PELI2: variants seen among roughly 807,000 people sequenced by gnomAD.
PELI2 encodes the protein pellino E3 ubiquitin protein ligase family member 2, also known as E3 ubiquitin-protein ligase pellino homolog 2.
A neutral mutation model predicts 42.3 loss-of-function variants in PELI2; 23 were observed. The observed-to-expected ratio is 0.54, with a 90% confidence interval of 0.39 to 0.77. The LOEUF is 0.77. Among genes scored for constraint, PELI2 ranks in the 30% least tolerant of loss-of-function variants. The pLI, the probability that PELI2 is intolerant of heterozygous loss-of-function variation, is 0.00. For synonymous variants in PELI2, 245 were observed against 212.2 expected (o/e 1.15, Z -1.34); for missense variants, 463 against 553.2 (o/e 0.84, Z 1.64).
chr14:56,285,830 G>T (rs1889626983), intron 3 of PELI2, among the ~76,000 whole-genome samples: 1 of 152,100 alleles, frequency 6.6e-6, no homozygotes, highest in Non-Finnish European at 1.5e-5. Context: ...GCTGGAGCCT[G>T]GGGCTTGCTT....
intron 2 of PELI2, among the ~76,000 whole-genome samples, chr14:56,196,815 C>G (rs11158079): frequency 0.4 from 60,580 of 152,004 alleles, 12,889 homozygotes; most frequent in South Asian, 0.53. Flanking sequence ...TTTGTAGAAT[C>G]TGTTATATGT....
At chr14:56,283,657 C>T (rs1005033459) in intron 3 of PELI2, among the ~76,000 whole-genome samples, 1 of 152,138 alleles carries the variant, frequency 6.6e-6, no homozygotes, top group Non-Finnish European at 1.5e-5. Flanking sequence ...GTAATGTAAA[C>T]TAAGGCCAGA....
At position 56,288,440 on chromosome 14, in the gene PELI2, G is replaced by A; in HGVS notation, c.313G>A (p.Gly105Ser). The change falls in exon 4 of 6, where the codon GGC becomes AGC. Residue 105 changes from glycine to serine, a missense_variant. Coordinates refer to ENST00000267460, the MANE Select transcript of PELI2 (RefSeq NM_021255.3). The surrounding 1 kb of genome is among the most constrained non-coding windows in gnomAD (Gnocchi z 4.6). ...CGAGTACATTTGATTTACTTAGGTG[G>A]GCAGATCAACAGAAAGCCCTATCGA... Reference protein sequence around the residue: ...HDKDTDMFQVGRSTESPIDFV... With the variant: ...HDKDTDMFQVSRSTESPIDFV... The A allele has an allele frequency of 6.2e-7, 1 of 1,612,828 alleles. No homozygotes were observed. The highest frequency in any genetic ancestry group is 1.1e-5 in the South Asian group (1 of 90,936).
chr14:56,260,179 A>C (rs1888662093), intron 2 of PELI2, among the ~76,000 whole-genome samples: 1 of 152,092 alleles, frequency 6.6e-6, no homozygotes, highest in Admixed American at 6.5e-5. Flanking sequence ...CCCAGGAGAA[A>C]TGTATATATC....
At chr14:56,172,399 C>G (rs527308386) in intron 1 of PELI2, among the ~76,000 whole-genome samples, 1 of 152,320 alleles carries the variant, frequency 6.6e-6, no homozygotes, top group African/African-American at 2.4e-5. Flanking sequence ...CAGAACATCA[C>G]TTCCTTTGCA....
rs138898477 is a variant in PELI2 at position 56,158,137 on chromosome 14, C to T, written c.78-20198C>T. Among the ~76,000 whole-genome samples, 1,369 of 152,148 alleles carry T rather than the reference C, an allele frequency of 9.0e-3. 10 individuals carry two copies. Among genetic ancestry groups the T allele is most frequent in the Non-Finnish European group, 0.013 (898 of 67,988 alleles). On this transcript the variant is annotated intron_variant, in intron 1 of 5. Transcript: ENST00000267460. ...CCACCTCCCAGGTTCAAGTGATTCT[C>T]CTGCCTCAGCCATCTTCCAAGTAGG... is the stretch of plus-strand genomic sequence containing the variant.
intron 1 of PELI2, among the ~76,000 whole-genome samples, chr14:56,144,089 G>A (rs942985754): frequency 1.3e-5 from 2 of 151,964 alleles, no homozygotes; most frequent in Admixed American, 6.6e-5. Flanking sequence ...CTGTACTACC[G>A]CTGATTCCAG....
chr14:56,223,555 A>T (rs1041542810), intron 2 of PELI2, among the ~76,000 whole-genome samples: 2 of 152,252 alleles, frequency 1.3e-5, no homozygotes, highest in Non-Finnish European at 2.9e-5. Context: ...GGGTGCAGTC[A>T]TAATAATAGG....
At chr14:56,136,684 G>A (rs1566600255) in intron 1 of PELI2, among the ~76,000 whole-genome samples, 1 of 152,148 alleles carries the variant, frequency 6.6e-6, no homozygotes, top group Non-Finnish European at 1.5e-5. Context: ...GATGCATAAA[G>A]CGCAGAATTT....
chr14:56,277,478 A>T (rs1237572407), intron 2 of PELI2, among the ~76,000 whole-genome samples: 1 of 151,974 alleles, frequency 6.6e-6, no homozygotes, highest in East Asian at 1.9e-4. Flanking sequence ...CTGATTCAAC[A>T]TTATGGTGAG....
At position 56,118,611 on chromosome 14, in the gene PELI2, CGGCGGA is replaced by C. The variant is rs1882937214; in HGVS notation, c.-44_-39del. 8.4e-7 allele frequency: 1 copy of C among 1,192,426 alleles called. No homozygotes were observed. The highest frequency in any genetic ancestry group is 1.7e-5 in the African/African-American group (1 of 59,108). 73.9% of individuals were successfully genotyped at this position (1,192,426 alleles called of 1,614,324 possible). On this transcript the variant is annotated 5_prime_UTR_variant, in exon 1 of 6. Transcript: ENST00000267460. ...GGCGGCGCGGACTCGGCGGGGATCG[CGGCGGA>C]GGCGGCGGCGTCGGCGGCGGCGTCG...
intron 2 of PELI2, among the ~76,000 whole-genome samples, chr14:56,203,507 AC>A (rs1886411053): frequency 6.6e-6 from 1 of 152,044 alleles, no homozygotes; most frequent in African/African-American, 2.4e-5. Context: ...GTATCTGTAG[AC>A]TTTTTTTCTG....
intron 2 of PELI2, among the ~76,000 whole-genome samples, chr14:56,250,009 G>A (rs1888288657): frequency 6.6e-6 from 1 of 152,148 alleles, no homozygotes; most frequent in African/African-American, 2.4e-5. Flanking sequence ...GTTCTCTAAG[G>A]GGCAGAAGTC....
intron 2 of PELI2, among the ~76,000 whole-genome samples, chr14:56,221,792 A>T (rs1887142992): frequency 6.6e-6 from 1 of 152,232 alleles, no homozygotes; most frequent in African/African-American, 2.4e-5. Flanking sequence ...CTTCTTTTGC[A>T]TGGTTATGGC....
chr14:56,226,153 T>C (rs966952828), intron 2 of PELI2, among the ~76,000 whole-genome samples: 1 of 152,058 alleles, frequency 6.6e-6, no homozygotes, highest in South Asian at 2.1e-4. Context: ...GACCCCAGGC[T>C]CACCTTGCTT....
intron 2 of PELI2, among the ~76,000 whole-genome samples, chr14:56,278,453 T>A (rs578087357): frequency 6.6e-6 from 1 of 152,312 alleles, no homozygotes; most frequent in South Asian, 2.1e-4. Context: ...CTGACTCAGA[T>A]CAATGAAAAT....
At chr14:56,137,712 C>T (rs1344235746) in intron 1 of PELI2, among the ~76,000 whole-genome samples, 1 of 152,198 alleles carries the variant, frequency 6.6e-6, no homozygotes, top group Non-Finnish European at 1.5e-5. Flanking sequence ...TGTGCGATCA[C>T]ATTTGAGGCT....
intron 1 of PELI2, among the ~76,000 whole-genome samples, chr14:56,122,565 C>G (rs1411876379): frequency 6.6e-6 from 1 of 151,726 alleles, no homozygotes; most frequent in Non-Finnish European, 1.5e-5. Flanking sequence ...TTCCTCTCAC[C>G]TCACAGTTGA....
intron 2 of PELI2, among the ~76,000 whole-genome samples, chr14:56,187,901 G>A (rs1226956520): frequency 3.3e-5 from 5 of 152,168 alleles, no homozygotes; most frequent in Non-Finnish European, 5.9e-5. Context: ...CTGCAGGATC[G>A]CCGTGCTCTT....
Sources: allele counts gnomAD v4.1 joint callset (sites outside exome capture counted in the v4.1 genomes callset), GRCh38; gene constraint gnomAD v4.1.1; non-coding constraint Gnocchi (gnomAD v3.1); transcripts MANE v1.5; gene names NCBI Gene and HGNC (gene_info 2026-07-23, HGNC 2026-07-21).